Variants in SYN2 observed in about 807,000 individuals in gnomAD.
SYN2 encodes synapsin II.
A neutral mutation model predicts 50.9 loss-of-function variants in SYN2; 19 were observed. The observed-to-expected ratio is 0.37, with a 90% CI of 0.26 to 0.55. The LOEUF is 0.55. Among genes scored for constraint, SYN2 ranks in the 20% least tolerant of loss-of-function variants. The pLI, the probability that SYN2 is intolerant of heterozygous loss-of-function variation, is 0.81. For synonymous variants in SYN2, 255 were observed against 224.9 expected, an observed-to-expected ratio of 1.13 and a Z score of -1.20; for missense variants, 587 against 576.4, an observed-to-expected ratio of 1.02 and a Z score of -0.19.
Position 12,191,631 on chromosome 3 carries a change from T to C in SYN2, c.*1006T>C, listed in dbSNP as rs528753317. On this transcript the variant is annotated 3_prime_UTR_variant, in exon 13 of 13. Transcript: ENST00000621198. ...TACCACTTCTGGGCCTCCTCGCACC[T>C]CCCCAGTGAATCTGTCTCCTCCAAG... Among the ~76,000 whole-genome samples the C allele has an allele frequency of 1.7e-4, 26 of 152,286 alleles. No homozygotes were observed. In the East Asian group the frequency reaches 4.6e-3, roughly 27 times the overall value.
At chr3:12,149,386 G>A (rs931904712) in intron 4 of SYN2, among the ~76,000 whole-genome samples, 24 of 152,228 alleles carry the variant, frequency 1.6e-4, no homozygotes, top group African/African-American at 4.1e-4. Flanking sequence ...GGTCAGATGA[G>A]CAGGTGTGGA....
intron 1 of SYN2, among the ~76,000 whole-genome samples, chr3:12,043,614 C>CT (rs558203479): frequency 1.0e-3 from 152 of 152,260 alleles, no homozygotes; most frequent in African/African-American, 3.4e-3. Context: ...CAGCTGTCTA[C>CT]TTTCTTCTGT....
chr3:12,154,760 A>G (rs529003449), intron 5 of SYN2, among the ~76,000 whole-genome samples: 1 of 152,318 alleles, frequency 6.6e-6, no homozygotes, highest in Admixed American at 6.5e-5. Flanking sequence ...CTTTTCTGTC[A>G]TTTACTAGCT....
At chr3:12,170,563 G>A (rs1416067631) in intron 10 of SYN2, among the ~76,000 whole-genome samples, 1 of 152,178 alleles carries the variant, frequency 6.6e-6, no homozygotes, top group Non-Finnish European at 1.5e-5. Context: ...CTGTGGCAGG[G>A]AAAGGTCTTT....
chr3:12,027,997 AT>A (rs1694300099), intron 1 of SYN2, among the ~76,000 whole-genome samples: 2 of 117,518 alleles, frequency 1.7e-5, no homozygotes, highest in African/African-American at 3.4e-5. Context: ...TTATTTTTTT[AT>A]TTTTTTATTT....
intron 10 of SYN2, among the ~76,000 whole-genome samples, chr3:12,182,043 C>G (rs1463108388): frequency 2.0e-5 from 3 of 152,198 alleles, no homozygotes; most frequent in Non-Finnish European, 4.4e-5. Context: ...AGGCCCCCCT[C>G]CCAGCTGCTC....
chr3:12,142,785 A>T (rs1697051863), intron 3 of SYN2, among the ~76,000 whole-genome samples: 1 of 152,158 alleles, frequency 6.6e-6, no homozygotes, highest in Non-Finnish European at 1.5e-5. Flanking sequence ...GTCTTGTTCC[A>T]AGAAGAGTCT....
chr3:12,119,252 C>T (rs1696500452), intron 1 of SYN2, among the ~76,000 whole-genome samples: 1 of 151,986 alleles, frequency 6.6e-6, no homozygotes, highest in South Asian at 2.1e-4. Flanking sequence ...ACTCTTCTGG[C>T]CACTATTTGA....
chr3:12,140,386 T>C (rs1696986596), intron 1 of SYN2, among the ~76,000 whole-genome samples: 1 of 152,218 alleles, frequency 6.6e-6, no homozygotes, highest in African/African-American at 2.4e-5. Flanking sequence ...AGATGCGTTT[T>C]ATAGCCAAAA....
At chr3:12,070,160 G>A (rs1695313382) in intron 1 of SYN2, 3 of 319,212 alleles carry the variant, frequency 9.4e-6, no homozygotes, top group South Asian at 2.8e-5. Flanking sequence ...TCACACAGTC[G>A]CTGCCGCCAG....
chr3:12,122,582 C>G (rs2125203391), intron 1 of SYN2, among the ~76,000 whole-genome samples: 1 of 152,282 alleles, frequency 6.6e-6, no homozygotes, highest in East Asian at 1.9e-4. Flanking sequence ...AAAATCTCAT[C>G]TGTACATGGA....
chr3:12,150,451 T>A (rs1402067695), intron 4 of SYN2, among the ~76,000 whole-genome samples: 2 of 152,204 alleles, frequency 1.3e-5, no homozygotes. Context: ...TGTGTGACTT[T>A]GGGCAAGTGA....
chr3:12,081,372 A>C (rs1446983546), intron 1 of SYN2, among the ~76,000 whole-genome samples: 2 of 152,214 alleles, frequency 1.3e-5, no homozygotes, highest in Non-Finnish European at 2.9e-5. Flanking sequence ...TCCAAAATAA[A>C]AAGGTAACTG....
chr3:12,052,949 T>C (rs770943070), intron 1 of SYN2, among the ~76,000 whole-genome samples: 3 of 152,206 alleles, frequency 2.0e-5, no homozygotes, highest in Admixed American at 1.3e-4. Flanking sequence ...CTTCTGAAGA[T>C]GACCTTTTTG....
intron 1 of SYN2, among the ~76,000 whole-genome samples, chr3:12,069,987 T>C (rs1042346390): frequency 6.6e-6 from 1 of 151,938 alleles, no homozygotes; most frequent in South Asian, 2.1e-4. Context: ...TTAGTAGATA[T>C]GAGGTCTTGC....
At chr3:12,106,176 C>T (rs1696185333) in intron 1 of SYN2, among the ~76,000 whole-genome samples, 1 of 152,210 alleles carries the variant, frequency 6.6e-6, no homozygotes, top group Non-Finnish European at 1.5e-5. Flanking sequence ...CCAGTTCCTC[C>T]AGGCTGCCTG....
At chr3:12,077,670 A>G (rs1695499926) in intron 1 of SYN2, among the ~76,000 whole-genome samples, 1 of 152,192 alleles carries the variant, frequency 6.6e-6, no homozygotes, top group African/African-American at 2.4e-5. Context: ...CTATGCTTGC[A>G]TAGTATTCCA....
chr3:12,106,270 C>T (rs1445265157), intron 1 of SYN2, among the ~76,000 whole-genome samples: 1 of 152,184 alleles, frequency 6.6e-6, no homozygotes, highest in Non-Finnish European at 1.5e-5. Flanking sequence ...TCTTCCTCTT[C>T]CGTCTCCAGC....
chr3:12,068,174 A>T (rs1467369309), intron 1 of SYN2, among the ~76,000 whole-genome samples: 2 of 152,162 alleles, frequency 1.3e-5, no homozygotes, highest in Non-Finnish European at 2.9e-5. Context: ...TTTAAAGCTC[A>T]ACCTTTTATG....
Sources: gnomAD v4.1 joint callset for allele counts (sites outside exome capture counted in the v4.1 genomes callset) on GRCh38, gnomAD v4.1.1 for gene constraint, MANE v1.5 for transcripts, NCBI Gene and HGNC (gene_info 2026-07-23, HGNC 2026-07-21) for gene names.